Variants in CTCF observed in about 807,000 individuals in gnomAD.
CTCF encodes transcriptional repressor CTCF.
CTCF carries 7 observed loss-of-function variants against 72.3 expected under a neutral mutation model. That is an observed-to-expected ratio of 0.10 (90% confidence interval 0.06 to 0.18). CTCF has a LOEUF of 0.18. CTCF is among the 10% of genes least tolerant of loss of function. The pLI, the probability that CTCF is intolerant of heterozygous loss-of-function variation, is 1.00. For missense variants in CTCF, 516 were observed against 949.1 expected (o/e 0.54, Z 6.00); for synonymous variants, 374 against 315.8 (o/e 1.18, Z -1.95).
intron 1 of CTCF, among the ~76,000 whole-genome samples, 173 bp downstream of exon 1, chr16:67,562,897 G>A (rs1194180981): frequency 7.0e-6 from 1 of 143,440 alleles, no homozygotes; most frequent in Non-Finnish European, 1.5e-5. Flanking sequence ...TCGCCGCCGT[G>A]GCCCGGCCGC....
intron 2 of CTCF, among the ~76,000 whole-genome samples, chr16:67,602,267 A>G (rs771229652): frequency 2.6e-5 from 4 of 152,244 alleles, no homozygotes; most frequent in Non-Finnish European, 5.9e-5. Flanking sequence ...ATTATATGCT[A>G]CAAAATCCTG....
intron 1 of CTCF, 131 bp downstream of exon 1, chr16:67,562,855 C>T (rs1279050571): frequency 1.3e-5 from 2 of 149,820 alleles, no homozygotes; most frequent in Non-Finnish European, 3.0e-5. Flanking sequence ...CCTCTACCGT[C>T]CCTGCTGCGG....
intron 2 of CTCF, among the ~76,000 whole-genome samples, chr16:67,581,758 C>T (rs1335349339): frequency 2.6e-5 from 4 of 152,074 alleles, no homozygotes; most frequent in Non-Finnish European, 5.9e-5. Context: ...CCACCTCGGC[C>T]TCCCAAAGTG....
chr16:67,588,980 C>T lies in CTCF; in HGVS notation c.-10+17716C>T, dbSNP rs182085543. Among the ~76,000 whole-genome samples the T allele has an allele frequency of 3.9e-4, 60 of 152,110 alleles. No individual in the cohort carries two copies. In the East Asian group the frequency reaches 8.2e-3, roughly 21 times the overall value. On this transcript the variant is annotated intron_variant, in intron 2 of 11. Coordinates refer to ENST00000264010, the MANE Select transcript of CTCF (RefSeq NM_006565.4). ...TGCTGGGATTACAGGCGTGAGCCACCGTGCCCAGCCTCAAAATAATAAATT... is the reference window on the plus strand; with the variant it reads ...TGCTGGGATTACAGGCGTGAGCCACTGTGCCCAGCCTCAAAATAATAAATT...
chr16:67,572,797 G>A (rs564213506), intron 2 of CTCF, among the ~76,000 whole-genome samples: 29 of 150,600 alleles, frequency 1.9e-4, no homozygotes, highest in Non-Finnish European at 3.4e-4. Context: ...AAAACTAGCC[G>A]AGTGTGGTGG....
intron 1 of CTCF, among the ~76,000 whole-genome samples, chr16:67,564,405 A>G (rs1178006648): frequency 2.0e-5 from 3 of 152,212 alleles, no homozygotes; most frequent in Non-Finnish European, 4.4e-5. Context: ...TGTCCAGTCC[A>G]CTGTATGTAA....
At chr16:67,629,634 C>G (rs1242959208) in intron 10 of CTCF, 101 bp downstream of exon 10, 39 of 1,172,306 alleles carry the variant, frequency 3.3e-5, no homozygotes, top group Non-Finnish European at 4.1e-5. Context: ...GGCGGGCACA[C>G]ACTCTTCCTT....
chr16:67,594,669 A>G (rs578084695), intron 2 of CTCF, among the ~76,000 whole-genome samples: 3 of 152,312 alleles, frequency 2.0e-5, no homozygotes, highest in African/African-American at 4.8e-5. Flanking sequence ...GCATATAAAC[A>G]GTGTTTTGTT....
At chr16:67,617,266 G>C (rs1207916786) in intron 5 of CTCF, among the ~76,000 whole-genome samples, 1 of 152,118 alleles carries the variant, frequency 6.6e-6, no homozygotes, top group African/African-American at 2.4e-5. Flanking sequence ...TTGGGAGGCT[G>C]AGGTGGGTGG....
chr16:67,580,967 C>T (rs115036094), intron 2 of CTCF, among the ~76,000 whole-genome samples: 5,592 of 151,632 alleles, frequency 0.037, 337 homozygotes, highest in African/African-American at 0.13. Context: ...CTCGCTCTTT[C>T]GCCCACGCGG....
At chr16:67,566,231 T>C (rs974706146) in intron 1 of CTCF, among the ~76,000 whole-genome samples, 11 of 151,990 alleles carry the variant, frequency 7.2e-5, no homozygotes, top group Admixed American at 6.6e-5. Context: ...AGGTGGGACA[T>C]GGTGGCTCAC....
In CTCF at chr16:67,621,392, A is replaced by G. The variant is rs776997584; in HGVS notation, c.1208-50A>G. 28 of 1,361,612 alleles carry G rather than the reference A, an allele frequency of 2.1e-5. No homozygotes were observed. In the Admixed American group the frequency reaches 4.4e-4, roughly 22 times the overall value. 84.3% of individuals were successfully genotyped at this position (1,361,612 alleles called of 1,614,324 possible). On this transcript the variant is annotated intron_variant, in intron 6 of 11. Coordinates refer to ENST00000264010, the MANE Select transcript of CTCF (RefSeq NM_006565.4). ...ACCTGAGTTACCCTCCAGTTAAATT[A>G]CAGTATTTATTCATTTCATTTATGT...
intron 2 of CTCF, among the ~76,000 whole-genome samples, chr16:67,582,865 G>C (rs973680835): frequency 6.6e-6 from 1 of 151,962 alleles, no homozygotes; most frequent in African/African-American, 2.4e-5. Context: ...GGGTGACATA[G>C]AGGTCTGTCT....
intron 2 of CTCF, among the ~76,000 whole-genome samples, chr16:67,586,029 GCC>G (rs1046014291): frequency 6.6e-6 from 1 of 151,874 alleles, no homozygotes; most frequent in African/African-American, 2.4e-5. Flanking sequence ...TTTTTTTGTT[GCC>G]TATACATGTT....
chr16:67,565,101 A>G (rs1192723133), intron 1 of CTCF, among the ~76,000 whole-genome samples: 2 of 151,584 alleles, frequency 1.3e-5, no homozygotes, highest in Admixed American at 6.6e-5. Flanking sequence ...TCCCGGATTC[A>G]AGCAATTCTC....
chr16:67,565,111 C>G (rs1279774463), intron 1 of CTCF, among the ~76,000 whole-genome samples: 1 of 151,880 alleles, frequency 6.6e-6, no homozygotes, highest in East Asian at 1.9e-4. Flanking sequence ...AAGCAATTCT[C>G]CTGTCTCTGC....
intron 1 of CTCF, among the ~76,000 whole-genome samples, chr16:67,564,294 C>A (rs1417251590): frequency 6.6e-6 from 1 of 152,186 alleles, no homozygotes; most frequent in Non-Finnish European, 1.5e-5. Flanking sequence ...TGTATCAGTT[C>A]GGGTTGTTTT....
intron 1 of CTCF, chr16:67,568,391 G>C (rs1486648439): frequency 2.0e-5 from 3 of 148,558 alleles, no homozygotes; most frequent in African/African-American, 5.0e-5. Flanking sequence ...TTTTTTTGTT[G>C]TTGTTCTTCT....
chr16:67,605,526 C>T lies in CTCF; in HGVS notation c.-9-5298C>T, dbSNP rs549534659. Reference sequence around the variant, plus strand: ...TGGAAGAATAAACCAAACTGGCAATCCAACAACCTCGGGAGTTTACCTTGA... The same window carrying T: ...TGGAAGAATAAACCAAACTGGCAATTCAACAACCTCGGGAGTTTACCTTGA... On this transcript the variant is annotated intron_variant, in intron 2 of 11. Coordinates refer to ENST00000264010, the MANE Select transcript of CTCF (RefSeq NM_006565.4). Among the ~76,000 whole-genome samples, 246 of 152,294 alleles carry T rather than the reference C, an allele frequency of 1.6e-3. 1 individual carries two copies. The highest frequency in any genetic ancestry group is 5.7e-3 in the African/African-American group (235 of 41,566).
Sources: allele counts gnomAD v4.1 joint callset (sites outside exome capture counted in the v4.1 genomes callset), GRCh38; gene constraint gnomAD v4.1.1; transcripts MANE v1.5; gene names NCBI Gene and HGNC (gene_info 2026-07-23, HGNC 2026-07-21).